Variants in PPFIA2 observed in about 807,000 individuals in gnomAD.
The protein encoded by PPFIA2 is liprin-alpha-2.
A neutral mutation model predicts 175.5 loss-of-function variants in PPFIA2; 46 were observed. That is an observed-to-expected ratio of 0.26 (90% CI 0.21 to 0.34). PPFIA2 has a LOEUF of 0.34. PPFIA2 is among the 10% of genes least tolerant of loss of function. The pLI is 1.00. For synonymous variants in PPFIA2, 568 were observed against 511.4 expected, an observed-to-expected ratio of 1.11 and a Z score of -1.49; for missense variants, 1,179 against 1,506.1, an observed-to-expected ratio of 0.78 and a Z score of 3.60.
rs764194044 is a variant in PPFIA2 at position 81,690,369 on chromosome 12, G to C, written c.250-13525C>G. ...ATTGATAAACATTGTCTCTTAATGA[G>C]AGCATTATTGGCAAATTAGGCAGGA... On this transcript the variant is annotated intron_variant, in intron 3 of 32. Coordinates refer to ENST00000549396, the MANE Select transcript of PPFIA2 (RefSeq NM_003625.5). Among the ~76,000 whole-genome samples the C allele has an allele frequency of 6.6e-5, 10 of 152,086 alleles. 1 individual carries two copies. Among genetic ancestry groups the C allele is most frequent in the Non-Finnish European group, 1.5e-4 (10 of 68,004 alleles).
intron 3 of PPFIA2, among the ~76,000 whole-genome samples, chr12:81,739,916 A>G (rs2082129355): frequency 6.6e-6 from 1 of 152,112 alleles, no homozygotes; most frequent in African/African-American, 2.4e-5. Flanking sequence ...CTTCTGGCAA[A>G]TATCTTAGGA....
intron 19 of PPFIA2, among the ~76,000 whole-genome samples, chr12:81,343,926 A>G (rs1337052661): frequency 6.6e-6 from 1 of 152,088 alleles, no homozygotes; most frequent in Non-Finnish European, 1.5e-5. Context: ...CACCTTTCAC[A>G]TGCAAACCAA....
At chr12:81,674,341 A>G (rs966136451) in intron 4 of PPFIA2, among the ~76,000 whole-genome samples, 9 of 152,078 alleles carry the variant, frequency 5.9e-5, no homozygotes, top group Non-Finnish European at 1.3e-4. Flanking sequence ...TGGTTTCTAG[A>G]AAAAGCATAG....
intron 4 of PPFIA2, among the ~76,000 whole-genome samples, chr12:81,641,093 ATTTC>A: frequency 6.6e-6 from 1 of 152,132 alleles, no homozygotes. Context: ...AACGCTTTTC[ATTTC>A]TTTGTGTTGG....
At chr12:81,624,126 T>A (rs1482223646) in intron 4 of PPFIA2, among the ~76,000 whole-genome samples, 1 of 151,902 alleles carries the variant, frequency 6.6e-6, no homozygotes, top group African/African-American at 2.4e-5. Context: ...CTATAAGCAC[T>A]TAATGTCAAA....
intron 4 of PPFIA2, among the ~76,000 whole-genome samples, chr12:81,540,657 T>C (rs761005962): frequency 2.0e-5 from 3 of 152,078 alleles, no homozygotes; most frequent in Non-Finnish European, 4.4e-5. Flanking sequence ...AGTCTTGATA[T>C]ACATTGTTGG....
At chr12:81,626,457 A>G (rs1472358566) in intron 4 of PPFIA2, among the ~76,000 whole-genome samples, 1 of 152,076 alleles carries the variant, frequency 6.6e-6, no homozygotes, top group African/African-American at 2.4e-5. Context: ...AAATTTAACA[A>G]ATGGCATAAT....
chr12:81,622,152 C>A (rs1215560564), intron 4 of PPFIA2, among the ~76,000 whole-genome samples: 1 of 152,184 alleles, frequency 6.6e-6, no homozygotes, highest in Non-Finnish European at 1.5e-5. Flanking sequence ...ATTTGGACAG[C>A]AATCCAGATG....
At chr12:81,664,911 A>G (rs2069813983) in intron 4 of PPFIA2, among the ~76,000 whole-genome samples, 1 of 152,028 alleles carries the variant, frequency 6.6e-6, no homozygotes. Context: ...GCTGGAAACC[A>G]TCATTCTCAG....
rs190829426 is a variant in PPFIA2 at position 81,536,991 on chromosome 12, G to T, written c.304-79125C>A. 1.8e-4 allele frequency among the ~76,000 whole-genome samples: 27 copies of T among 151,146 alleles called. No homozygotes were observed. In the East Asian group the frequency reaches 4.3e-3, roughly 24 times the overall value. On this transcript the variant is annotated intron_variant, in intron 4 of 32. Transcript: ENST00000549396. ...GTTATTGACAGGTTTATGGTTTTAC[G>T]TTAGTAAATATTGATTTATTAAGTA... is the stretch of plus-strand genomic sequence containing the variant.
chr12:81,368,279 T>C (rs935103890), intron 13 of PPFIA2: 10 of 640,920 alleles, frequency 1.6e-5, no homozygotes, highest in Middle Eastern at 3.1e-4. Context: ...CTGGGATTGA[T>C]ACTAGTTCTT....
chr12:81,281,429 G>A lies in PPFIA2; in HGVS notation c.3040C>T (p.Leu1014=), dbSNP rs2042064040. ...TCATGATTCATATCTCCATAAGCCAGGGTCTGTAGAAAAACCGGACACTAG... is the reference window on the plus strand; with the variant it reads ...TCATGATTCATATCTCCATAAGCCAAGGTCTGTAGAAAAACCGGACACTAG... ...WAQCPVFLQT[L]AYGDMNHEWI... is the part of the protein sequence containing the mutation. The change falls in exon 27 of 33, where the codon CTG becomes TTG. Residue 1014 remains leucine, a synonymous_variant. Coordinates refer to ENST00000549396, the MANE Select transcript of PPFIA2 (RefSeq NM_003625.5). 2 of 1,605,136 alleles carry A rather than the reference G, an allele frequency of 1.2e-6. No individual in the cohort carries two copies. The highest frequency in any genetic ancestry group is 8.5e-7 in the Non-Finnish European group (1 of 1,174,920).
intron 3 of PPFIA2, among the ~76,000 whole-genome samples, chr12:81,695,370 T>C (rs1336268101): frequency 6.6e-6 from 1 of 152,124 alleles, no homozygotes; most frequent in South Asian, 2.1e-4. Flanking sequence ...TTTGTGGTAG[T>C]AAGCTCTTGC....
At chr12:81,686,809 T>A (rs114482409) in intron 3 of PPFIA2, among the ~76,000 whole-genome samples, 1 of 152,114 alleles carries the variant, frequency 6.6e-6, no homozygotes, top group Admixed American at 6.6e-5. Flanking sequence ...CTTAGTTGAT[T>A]GCCTTCTTTC....
chr12:81,331,506 T>C (rs1241332199), intron 21 of PPFIA2, among the ~76,000 whole-genome samples: 2 of 152,226 alleles, frequency 1.3e-5, no homozygotes, highest in African/African-American at 4.8e-5. Context: ...ATTATTTTTT[T>C]ATTAAGCCTA....
At chr12:81,312,879 G>A (rs1253086879) in intron 22 of PPFIA2, among the ~76,000 whole-genome samples, 1 of 151,990 alleles carries the variant, frequency 6.6e-6, no homozygotes, top group African/African-American at 2.4e-5. Flanking sequence ...ACATAAGAAA[G>A]TGTAAAAATG....
At chr12:81,513,300 T>G (rs890279444) in intron 4 of PPFIA2, among the ~76,000 whole-genome samples, 1 of 152,022 alleles carries the variant, frequency 6.6e-6, no homozygotes, top group Non-Finnish European at 1.5e-5. Context: ...ACACTGCTGG[T>G]GGGAATGTAA....
At chr12:81,637,262 TTTTTTTTTTTTTTTTTTTTTTA>T (rs1567665637) in intron 4 of PPFIA2, among the ~76,000 whole-genome samples, 6 of 59,296 alleles carry the variant, frequency 1.0e-4, no homozygotes, top group Non-Finnish European at 2.3e-4. Flanking sequence ...TTTTTTTTTT[TTTTTTTTTTTTTTTTTTTTTTA>T]GTAGAGATGG....
At chr12:81,731,487 C>A (rs922994312) in intron 3 of PPFIA2, among the ~76,000 whole-genome samples, 3 of 151,626 alleles carry the variant, frequency 2.0e-5, no homozygotes, top group African/African-American at 7.3e-5. Flanking sequence ...ACATTGCGAG[C>A]AAATGCATTT....
Sources: gnomAD v4.1 joint callset for allele counts (sites outside exome capture counted in the v4.1 genomes callset) on GRCh38, gnomAD v4.1.1 for gene constraint, MANE v1.5 for transcripts, NCBI Gene and HGNC (gene_info 2026-07-23, HGNC 2026-07-21) for gene names.